Variants in SMG5 observed in about 807,000 individuals in gnomAD.
The protein encoded by SMG5 is SMG5 nonsense mediated mRNA decay factor.
A neutral mutation model predicts 122.9 loss-of-function variants in SMG5; 53 were observed. That is an observed-to-expected ratio of 0.43 (90% confidence interval 0.35 to 0.54). The LOEUF (loss-of-function observed/expected upper bound fraction) is 0.54. Ranked by LOEUF, SMG5 falls within the 20% of genes least tolerant of loss-of-function variation. SMG5 has a pLI of 0.01. For synonymous variants in SMG5, 477 were observed against 490.2 expected (o/e 0.97, Z 0.35); for missense variants, 1,153 against 1,285.6 (o/e 0.90, Z 1.58).
At chr1:156,255,564 CAAAAAT>C (rs1374749097) in intron 16 of SMG5, among the ~76,000 whole-genome samples, 8 of 148,950 alleles carry the variant, frequency 5.4e-5, no homozygotes, top group South Asian at 2.1e-4. Context: ...AATAAATATA[CAAAAAT>C]AAAAATAAAA....
In SMG5 at chr1:156,260,517, C is replaced by T. The variant is rs756747912; in HGVS notation, c.2217G>A (p.Pro739=). Residue 739 remains proline, a synonymous_variant, in exon 15 of 22, where the codon CCG becomes CCA. Coordinates refer to ENST00000361813, the MANE Select transcript of SMG5 (RefSeq NM_015327.3). ...PEDMALRNLP[P]LRAAHRRFNF... The stretch of plus-strand genomic sequence containing the variant: ...TAAAGCGTCTGTGGGCAGCTCGGAG[C>T]GGGGGCAGGTTACGAAGAGCCATGT... The T allele has an allele frequency of 1.4e-5, 22 of 1,587,756 alleles. No homozygotes were observed. The highest frequency in any genetic ancestry group is 1.3e-4 in the Admixed American group (7 of 53,686).
At chr1:156,264,859 C>CTACTAAAATACTG (rs1662043425) in intron 12 of SMG5, among the ~76,000 whole-genome samples, 2 of 152,054 alleles carry the variant, frequency 1.3e-5, no homozygotes, top group Non-Finnish European at 2.9e-5. Flanking sequence ...AACCCCGTCT[C>CTACTAAAATACTG]TACTAAAAAT....
chr1:156,281,849 G>A (rs940804735), intron 1 of SMG5, among the ~76,000 whole-genome samples: 1 of 152,196 alleles, frequency 6.6e-6, no homozygotes, highest in Admixed American at 6.5e-5. Flanking sequence ...TGCCAACAGA[G>A]GGCTGAAGGG....
intron 13 of SMG5, 49 bp downstream of exon 13, chr1:156,263,346 C>T (rs1173721832): frequency 6.4e-7 from 1 of 1,564,624 alleles, no homozygotes; most frequent in African/African-American, 1.4e-5. Context: ...CTCATCCCCT[C>T]CTCCAAGACC....
In SMG5 at chr1:156,249,329, AGAG is replaced by A. The variant is rs546267910; in HGVS notation, c.*1255_*1257del. On this transcript the variant is annotated 3_prime_UTR_variant, in exon 22 of 22. Coordinates refer to ENST00000361813, the MANE Select transcript of SMG5 (RefSeq NM_015327.3). ...CAGGATTTCCCAGACTTGCTATTTT[AGAG>A]GAGAGAGGCAGGAAGCCAACTATCC... 4 of 206,818 alleles carry A rather than the reference AGAG, an allele frequency of 1.9e-5. No homozygotes were observed. Among genetic ancestry groups the A allele is most frequent in the Non-Finnish European group, 3.0e-5 (3 of 100,568 alleles). The allele number at this position is 206,818 out of a possible 1,614,324, so 12.8% of individuals were successfully genotyped here. A position where few individuals can be genotyped will look rare whatever the true frequency, so the allele number is the denominator to read the frequency against.
At chr1:156,275,941 T>C (rs1194316141) in intron 4 of SMG5, among the ~76,000 whole-genome samples, 2 of 151,052 alleles carry the variant, frequency 1.3e-5, no homozygotes, top group South Asian at 2.1e-4. Context: ...CAGCCTTCCA[T>C]GTAGCTAGGA....
chr1:156,288,637 C>T, the SMG5 span, among the ~76,000 whole-genome samples: 1 of 152,108 alleles, frequency 6.6e-6, no homozygotes, highest in African/African-American at 2.4e-5. Flanking sequence ...CACACCTGGC[C>T]TGCTCTTGTT....
At chr1:156,269,872 C>G (rs1311824380) in intron 7 of SMG5, among the ~76,000 whole-genome samples, 1 of 152,070 alleles carries the variant, frequency 6.6e-6, no homozygotes, top group Non-Finnish European at 1.5e-5. Context: ...GAGACTCCAT[C>G]TCAAAAAAAG....
At chr1:156,251,971 AC>A (rs1661376035) in intron 19 of SMG5, among the ~76,000 whole-genome samples, 1 of 152,194 alleles carries the variant, frequency 6.6e-6, no homozygotes, top group Admixed American at 6.5e-5. Context: ...CTTCGGTCTT[AC>A]CACTCCCTCA....
chr1:156,273,428 A>G lies in SMG5; in HGVS notation c.567T>C (p.Ala189=). The change falls in exon 6 of 22, where the codon GCT becomes GCC. Residue 189 remains alanine (A), a synonymous_variant. Transcript: ENST00000361813. ...CGGCTAGCAGCTCGGTATCTACGCC[A>G]GCTAATTCATTCTGATATCGGGCTG... is the stretch of plus-strand genomic sequence containing the variant. ...GDLSRYQNEL[A]GVDTELLAER... is the part of the protein sequence containing the mutation. 1 of 1,614,094 alleles carries G rather than the reference A, an allele frequency of 6.2e-7. No individual in the cohort carries two copies. The highest frequency in any genetic ancestry group is 8.5e-7 in the Non-Finnish European group (1 of 1,179,994).
intron 1 of SMG5, 137 bp from the exon 2 acceptor site, chr1:156,279,171 T>C (rs1662822384): frequency 1.4e-5 from 10 of 731,238 alleles, no homozygotes; most frequent in Middle Eastern, 3.5e-4. Context: ...CTGAGCTCTG[T>C]ACAAAACAAG....
At chr1:156,264,102 T>C (rs904897544) in intron 12 of SMG5, among the ~76,000 whole-genome samples, 2 of 151,820 alleles carry the variant, frequency 1.3e-5, no homozygotes, top group African/African-American at 4.8e-5. Context: ...ACCCTGTCTC[T>C]ACTAAAAATA....
At chr1:156,285,875 G>A (rs925449572), upstream of SMG5, 3 of 1,613,856 alleles carry the variant, frequency 1.9e-6, no homozygotes, top group Non-Finnish European at 2.5e-6. Flanking sequence ...CCTACTATAC[G>A]GGGCATATGC....
Position 156,263,250 on chromosome 1 carries a change from T to A in SMG5, c.2031+145A>T, listed in dbSNP as rs766204184. On this transcript the variant is annotated intron_variant, in intron 13 of 21. Transcript: ENST00000361813. ...TGCCTAATCCTTCCCTGTCAGAGCA[T>A]AAGGGCCCAGCACAGATAGGTGATT... 8.6e-6 allele frequency: 8 copies of A among 924,904 alleles called. No homozygotes were observed. In the South Asian group the frequency reaches 1.3e-4, roughly 15 times the overall value. The allele number at this position is 924,904 out of a possible 1,614,324, so 57.3% of individuals were successfully genotyped here. A position where few individuals can be genotyped will look rare whatever the true frequency, so the allele number is the denominator to read the frequency against.
intron 7 of SMG5, 38 bp from the exon 8 acceptor site, chr1:156,268,453 G>C (rs767469022): frequency 1.2e-6 from 2 of 1,607,626 alleles, no homozygotes; most frequent in Non-Finnish European, 8.5e-7. Flanking sequence ...GTCTTGGCAG[G>C]GGGAGGATAT....
intron 1 of SMG5, among the ~76,000 whole-genome samples, chr1:156,281,452 G>T (rs1430732093): frequency 2.0e-5 from 3 of 152,204 alleles, no homozygotes; most frequent in Admixed American, 6.5e-5. Context: ...CCCGCCTGGG[G>T]ACTGCTTGGG....
At chr1:156,281,672 TA>T (rs1347397537) in intron 1 of SMG5, among the ~76,000 whole-genome samples, 5 of 152,226 alleles carry the variant, frequency 3.3e-5, no homozygotes, top group Non-Finnish European at 7.3e-5. Flanking sequence ...ATCCGTGTTC[TA>T]TAAAGCCTGA....
chr1:156,284,964 G>T (rs1406927853), upstream of SMG5, among the ~76,000 whole-genome samples: 1 of 152,088 alleles, frequency 6.6e-6, no homozygotes, highest in Non-Finnish European at 1.5e-5. Context: ...TCTCCTGTTG[G>T]ACGGCATTTG....
upstream of SMG5, among the ~76,000 whole-genome samples, chr1:156,287,608 T>A (rs1265045002): frequency 1.9e-5 from 1 of 52,132 alleles, no homozygotes; most frequent in Non-Finnish European, 5.0e-5. Context: ...ACTCTCCACT[T>A]TTTTTTTTTT....
Sources: allele counts gnomAD v4.1 joint callset (sites outside exome capture counted in the v4.1 genomes callset), GRCh38; gene constraint gnomAD v4.1.1; transcripts MANE v1.5; gene names NCBI Gene and HGNC (gene_info 2026-07-23, HGNC 2026-07-21).